The following E2F3 variants were observed in gnomAD, a reference collection of about 807,000 sequenced individuals.
The protein encoded by E2F3 is E2F transcription factor 3, also known as transcription factor E2F3.
E2F3 carries 11 observed loss-of-function variants against 44.4 expected under a neutral mutation model. The observed-to-expected ratio is 0.25, with a 90% CI of 0.16 to 0.41. The LOEUF (loss-of-function observed/expected upper bound fraction) is 0.41. Ranked by LOEUF, E2F3 falls within the 10% of genes least tolerant of loss-of-function variation. The pLI is 1.00. For missense variants in E2F3, 487 were observed against 583.6 expected, an observed-to-expected ratio of 0.83 and a Z score of 1.70; for synonymous variants, 249 against 253.0, an observed-to-expected ratio of 0.98 and a Z score of 0.15.
chr6:20,492,149 GAAA>G lies in E2F3; in HGVS notation c.*1729_*1731del. Reference sequence around the variant, plus strand: ...TAATTGAATTGAAAATATCCCTTAGGAAAAAAAAAAAACACACAAAAAACCACA... The same window carrying G: ...TAATTGAATTGAAAATATCCCTTAGGAAAAAAAAACACACAAAAAACCACA... On this transcript the variant is annotated 3_prime_UTR_variant, in exon 7 of 7. Coordinates refer to ENST00000346618, the MANE Select transcript of E2F3 (RefSeq NM_001949.5). The G allele has an allele frequency of 1.7e-5, 3 of 175,660 alleles. No homozygotes were observed. The highest frequency in any genetic ancestry group is 3.4e-5 in the Non-Finnish European group (3 of 89,540). 10.9% of individuals were successfully genotyped at this position (175,660 alleles called of 1,614,324 possible).
At chr6:20,476,316 A>G (rs1023084086) in intron 1 of E2F3, among the ~76,000 whole-genome samples, 1 of 152,140 alleles carries the variant, frequency 6.6e-6, no homozygotes, top group Non-Finnish European at 1.5e-5. Flanking sequence ...GCTTGCAATA[A>G]GTTGAAATTG....
chr6:20,474,053 A>G (rs949695967), intron 1 of E2F3, among the ~76,000 whole-genome samples: 1 of 151,552 alleles, frequency 6.6e-6, no homozygotes, highest in Non-Finnish European at 1.5e-5. Context: ...CAGACTATAG[A>G]TGTTCCCCAC....
At chr6:20,445,296 G>A (rs1220560075) in intron 1 of E2F3, among the ~76,000 whole-genome samples, 1 of 151,130 alleles carries the variant, frequency 6.6e-6, no homozygotes, top group Non-Finnish European at 1.5e-5. Flanking sequence ...CTGGAGTACA[G>A]TGGCGCGATC....
intron 1 of E2F3, among the ~76,000 whole-genome samples, chr6:20,461,083 G>C (rs2127606929): frequency 6.8e-6 from 1 of 147,268 alleles, no homozygotes. Context: ...GTTATACTAA[G>C]TCTCATGCCC....
rs1561891392 is a variant in E2F3, at chr6:20,491,428, G to A, written c.*998G>A. ...CCTCTGCAAGGAGCTTTGTCCCATCGTGCTTCCATTCCCAGGAGGGGGAGC... is the reference window on the plus strand; with the variant it reads ...CCTCTGCAAGGAGCTTTGTCCCATCATGCTTCCATTCCCAGGAGGGGGAGC... On this transcript the variant is annotated 3_prime_UTR_variant, in exon 7 of 7. Coordinates refer to ENST00000346618, the MANE Select transcript of E2F3 (RefSeq NM_001949.5). 8.9e-6 allele frequency: 2 copies of A among 224,646 alleles called. No individual in the cohort carries two copies. The highest frequency in any genetic ancestry group is 6.4e-5 in the East Asian group (1 of 15,698). The allele number at this position is 224,646 out of a possible 1,614,324, so 13.9% of individuals were successfully genotyped here.
intron 1 of E2F3, among the ~76,000 whole-genome samples, chr6:20,423,265 G>A (rs1455025097): frequency 6.6e-6 from 1 of 152,134 alleles, no homozygotes; most frequent in Non-Finnish European, 1.5e-5. Context: ...AGGTTCTATG[G>A]TCTAGCCTCT....
chr6:20,413,855 C>G (rs190183051), intron 1 of E2F3, among the ~76,000 whole-genome samples: 1 of 152,122 alleles, frequency 6.6e-6, no homozygotes, highest in Admixed American at 6.5e-5. Context: ...TGTGAAAAGG[C>G]AGGTGGAAGT....
At chr6:20,449,254 GC>G (rs1487112430) in intron 1 of E2F3, among the ~76,000 whole-genome samples, 1 of 152,144 alleles carries the variant, frequency 6.6e-6, no homozygotes, top group Non-Finnish European at 1.5e-5. Flanking sequence ...TTGCTGTGCA[GC>G]CTCTTCCCAT....
At chr6:20,448,800 GT>G (rs1761034227) in intron 1 of E2F3, among the ~76,000 whole-genome samples, 2 of 152,328 alleles carry the variant, frequency 1.3e-5, no homozygotes, top group Admixed American at 1.3e-4. Context: ...GGTGAGGGGA[GT>G]GCCACATAGT....
At chr6:20,467,612 C>T (rs755539744) in intron 1 of E2F3, among the ~76,000 whole-genome samples, 4 of 152,098 alleles carry the variant, frequency 2.6e-5, no homozygotes, top group African/African-American at 7.2e-5. Flanking sequence ...CTTGTGGGAG[C>T]GAGGTTCTGT....
intron 1 of E2F3, among the ~76,000 whole-genome samples, chr6:20,411,476 T>G (rs1350380854): frequency 6.6e-6 from 1 of 152,212 alleles, no homozygotes; most frequent in Non-Finnish European, 1.5e-5. Context: ...TGCCTGGCTC[T>G]TAGAAGGAAG....
intron 1 of E2F3, among the ~76,000 whole-genome samples, chr6:20,463,007 C>T (rs929707778): frequency 6.6e-6 from 1 of 151,244 alleles, no homozygotes; most frequent in African/African-American, 2.4e-5. Flanking sequence ...TCACTGCAGC[C>T]TCAAATTCCT....
chr6:20,405,509 C>T (rs1449210013), intron 1 of E2F3, among the ~76,000 whole-genome samples: 3 of 151,186 alleles, frequency 2.0e-5, no homozygotes, highest in Non-Finnish European at 4.4e-5. Flanking sequence ...CCACGCCTGG[C>T]CGGTTATCTA....
intron 1 of E2F3, among the ~76,000 whole-genome samples, chr6:20,475,974 C>G (rs1762030362): frequency 6.6e-6 from 1 of 152,222 alleles, no homozygotes; most frequent in Admixed American, 6.5e-5. Flanking sequence ...CTCTGCCACT[C>G]TCTAACAAGG....
intron 4 of E2F3, 63 bp downstream of exon 4, chr6:20,482,983 A>G: frequency 6.2e-7 from 1 of 1,605,774 alleles, no homozygotes; most frequent in East Asian, 2.2e-5. Context: ...CAGAGTTGAC[A>G]ATCTGACTTA....
rs1278810085 is a variant in E2F3 at position 20,491,872 on chromosome 6, C to T, written c.*1442C>T. 1.1e-5 allele frequency: 2 copies of T among 179,838 alleles called. No individual in the cohort carries two copies. The highest frequency in any genetic ancestry group is 4.7e-5 in the African/African-American group (2 of 42,274). The allele number at this position is 179,838 out of a possible 1,614,324, so 11.1% of individuals were successfully genotyped here. On this transcript the variant is annotated 3_prime_UTR_variant, in exon 7 of 7. Transcript: ENST00000346618. ...CCGCTTTACTCTTCAGGAATGGTGT[C>T]CCAAGTTGGAGGCTTTGTGTCAGCT...
chr6:20,484,772 T>C (rs1176049646), intron 4 of E2F3, among the ~76,000 whole-genome samples: 4 of 152,178 alleles, frequency 2.6e-5, no homozygotes, highest in Non-Finnish European at 5.9e-5. Flanking sequence ...AGTAGTTCCA[T>C]AGCTGCATTC....
Position 20,448,678 on chromosome 6 carries a change from C to T in E2F3, c.394-31168C>T, listed in dbSNP as rs183700185. Among the ~76,000 whole-genome samples the T allele has an allele frequency of 6.6e-5, 10 of 152,136 alleles. No homozygotes were observed. In the South Asian group the frequency reaches 1.5e-3, roughly 22 times the overall value. ...AATTAGTTAAAAGACAGGTTAGAGA[C>T]GTGGGAGAAGAGTATGTTGTATTTC... On this transcript the variant is annotated intron_variant, in intron 1 of 6. Transcript: ENST00000346618.
rs956445555 is a variant in E2F3, at chr6:20,402,635, TC to T, written c.393+13del. 2.0e-5 allele frequency: 26 copies of T among 1,326,032 alleles called. No homozygotes were observed. Among genetic ancestry groups the T allele is most frequent in the Non-Finnish European group, 2.2e-5 (23 of 1,046,548 alleles). The allele number at this position is 1,326,032 out of a possible 1,614,324, so 82.1% of individuals were successfully genotyped here. A position where few individuals can be genotyped will look rare whatever the true frequency, so the allele number is the denominator to read the frequency against. On this transcript the variant is annotated intron_variant, in intron 1 of 6. Transcript: ENST00000346618. The surrounding 1 kb of genome is among the most constrained non-coding windows in gnomAD (Gnocchi z 5.6). The stretch of plus-strand genomic sequence containing the variant: ...CGGCGGCGGCCCTCCGGTAATACCC[TC>T]CCTCCCCACCGTCCCCAGCCCCGGC...
Sources: allele counts gnomAD v4.1 joint callset (sites outside exome capture counted in the v4.1 genomes callset), GRCh38; gene constraint gnomAD v4.1.1; non-coding constraint Gnocchi (gnomAD v3.1); transcripts MANE v1.5; gene names NCBI Gene and HGNC (gene_info 2026-07-23, HGNC 2026-07-21).